The following CUEDC1 variants were observed in gnomAD, a reference collection of about 807,000 sequenced individuals.
The protein encoded by CUEDC1 is CUE domain containing 1, also known as CUE domain-containing protein 1.
In CUEDC1, 30 loss-of-function variants were observed where a neutral mutation model predicts 43.7. The observed-to-expected ratio is 0.69, with a 90% CI of 0.51 to 0.93. CUEDC1 has a LOEUF of 0.93. Among genes scored for constraint, CUEDC1 ranks in the 40% least tolerant of loss-of-function variants. The probability of loss-of-function intolerance (pLI) is 0.00; values close to 1 mark genes in which losing one functional copy is unlikely to be tolerated. For missense variants in CUEDC1, 486 were observed against 549.0 expected (o/e 0.89, Z 1.15); for synonymous variants, 223 against 223.6 (o/e 1.00, Z 0.02).
In CUEDC1 at chr17:57,954,954, G is replaced by A. The variant is rs965782957; in HGVS notation, c.-316+271C>T. ...CCCGCTCCCGGCCCCCCAGATGCCCGCACGCCCCCCGCGCCCGGGGCCCGG... is the reference window on the plus strand; with the variant it reads ...CCCGCTCCCGGCCCCCCAGATGCCCACACGCCCCCCGCGCCCGGGGCCCGG... On this transcript the variant is annotated intron_variant, in intron 1 of 10. Transcript: ENST00000577830. This position sits in a 1 kb window ranked among gnomAD's most constrained non-coding sequence, Gnocchi z 4.3. 4.0e-5 allele frequency among the ~76,000 whole-genome samples: 6 copies of A among 151,648 alleles called. No individual in the cohort carries two copies. The highest frequency in any genetic ancestry group is 8.8e-5 in the Non-Finnish European group (6 of 67,832).
chr17:57,946,956 A>G (rs975718912), intron 1 of CUEDC1, among the ~76,000 whole-genome samples: 2 of 152,062 alleles, frequency 1.3e-5, no homozygotes, highest in Non-Finnish European at 2.9e-5. Flanking sequence ...GACACAGCCA[A>G]TGGTGAAACT....
chr17:57,896,463 TCACTCTA>T (rs2074409016), intron 1 of CUEDC1, among the ~76,000 whole-genome samples: 1 of 148,912 alleles, frequency 6.7e-6, no homozygotes, highest in African/African-American at 2.5e-5. Flanking sequence ...ATGAGTATAG[TCACTCTA>T]CTATAGTGCA....
intron 1 of CUEDC1, among the ~76,000 whole-genome samples, chr17:57,942,079 G>A (rs2074921827): frequency 6.6e-6 from 1 of 152,136 alleles, no homozygotes; most frequent in Admixed American, 6.5e-5. Flanking sequence ...CCCAGGCTCG[G>A]CTCAGAATCC....
At chr17:57,867,764 G>A in intron 8 of CUEDC1, 2 of 474,874 alleles carry the variant, frequency 4.2e-6, no homozygotes, top group South Asian at 5.7e-5. Context: ...GGAAGGGAGG[G>A]CCAACATGCT....
chr17:57,895,950 C>G (rs1206744910), intron 1 of CUEDC1, among the ~76,000 whole-genome samples: 1 of 152,168 alleles, frequency 6.6e-6, no homozygotes, highest in East Asian at 1.9e-4. Context: ...GAAGGCCCCC[C>G]CAGTAGGCTG....
intron 1 of CUEDC1, among the ~76,000 whole-genome samples, chr17:57,902,388 A>C (rs935899745): frequency 2.0e-5 from 3 of 152,178 alleles, no homozygotes; most frequent in African/African-American, 7.2e-5. Context: ...GGTGGCAAAC[A>C]TATGACTGAC....
intron 1 of CUEDC1, among the ~76,000 whole-genome samples, chr17:57,936,269 C>T (rs1468461794): frequency 1.3e-5 from 2 of 152,232 alleles, no homozygotes; most frequent in South Asian, 2.1e-4. Flanking sequence ...CAGGGAAGCT[C>T]AGCCCTCCCT....
At chr17:57,897,332 G>C (rs551592389) in intron 1 of CUEDC1, among the ~76,000 whole-genome samples, 70 of 152,228 alleles carry the variant, frequency 4.6e-4, no homozygotes, top group Non-Finnish European at 6.8e-4. Context: ...GTCTGGCCCC[G>C]GAGTCCATGA....
rs1040398115 is a variant in CUEDC1, at chr17:57,955,012, C to T, written c.-316+213G>A. Among the ~76,000 whole-genome samples the T allele has an allele frequency of 2.6e-5, 4 of 151,184 alleles. No individual in the cohort carries two copies. The highest frequency in any genetic ancestry group is 2.0e-4 in the Admixed American group (3 of 15,222). On this transcript the variant is annotated intron_variant, in intron 1 of 10. Coordinates refer to ENST00000577830, the MANE Select transcript of CUEDC1 (RefSeq NM_001271875.2). The surrounding 1 kb of genome is among the most constrained non-coding windows in gnomAD (Gnocchi z 5.3). ...TGGGGGCTCGGGAAGGAAGGGCGGG[C>T]GGGGACCTGCCGCACGCGGAGCTCC...
At chr17:57,952,516 C>T (rs939285714) in intron 1 of CUEDC1, among the ~76,000 whole-genome samples, 4 of 152,106 alleles carry the variant, frequency 2.6e-5, no homozygotes, top group Admixed American at 2.0e-4. Context: ...CATGAGCCAC[C>T]GCATCCGGCC....
At chr17:57,874,394 G>C (rs1372003515) in intron 3 of CUEDC1, among the ~76,000 whole-genome samples, 5 of 152,230 alleles carry the variant, frequency 3.3e-5, no homozygotes, top group Admixed American at 3.3e-4. Flanking sequence ...AACGTGCGTG[G>C]AGATGTGAGT....
rs2074442860 is a variant in CUEDC1, at chr17:57,899,055, C to T, written c.-315-13176G>A. Reference sequence around the variant, plus strand: ...TCTCTGGCAGCTGAGGAATGTAGGCCCAGGACAGAGGAACAGAGGCTGGGA... The same window carrying T: ...TCTCTGGCAGCTGAGGAATGTAGGCTCAGGACAGAGGAACAGAGGCTGGGA... On this transcript the variant is annotated intron_variant, in intron 1 of 10. Transcript: ENST00000577830. Among the ~76,000 whole-genome samples, 8 of 151,876 alleles carry T rather than the reference C, an allele frequency of 5.3e-5. No individual in the cohort carries two copies. The South Asian group carries it at 1.7e-3, about 31-fold the overall frequency.
intron 8 of CUEDC1, 66 bp downstream of exon 8, chr17:57,868,084 A>G (rs1171700971): frequency 3.0e-6 from 4 of 1,351,630 alleles, no homozygotes; most frequent in Non-Finnish European, 4.2e-6. Flanking sequence ...AGGGAGTCCA[A>G]CAGGGGTCTT....
At chr17:57,953,332 C>T (rs977316750) in intron 1 of CUEDC1, among the ~76,000 whole-genome samples, 4 of 152,202 alleles carry the variant, frequency 2.6e-5, no homozygotes, top group African/African-American at 7.2e-5. Context: ...GGAAAAGGGC[C>T]ACCTCATCTG....
chr17:57,928,648 A>G (rs1307321867), intron 1 of CUEDC1, among the ~76,000 whole-genome samples: 1 of 151,766 alleles, frequency 6.6e-6, no homozygotes, highest in Non-Finnish European at 1.5e-5. Flanking sequence ...TGAGTCCTCT[A>G]CGTTTTCACG....
chr17:57,931,543 G>A (rs1018908632), intron 1 of CUEDC1, among the ~76,000 whole-genome samples: 1 of 152,162 alleles, frequency 6.6e-6, no homozygotes, highest in African/African-American at 2.4e-5. Context: ...GGGCACTGCT[G>A]TTCCTGCAGT....
chr17:57,939,014 C>A (rs1041507890), intron 1 of CUEDC1, among the ~76,000 whole-genome samples: 1 of 121,794 alleles, frequency 8.2e-6, no homozygotes, highest in Non-Finnish European at 1.6e-5. Context: ...GTCACCCAAG[C>A]AGGAGTGCAA....
intron 1 of CUEDC1, among the ~76,000 whole-genome samples, chr17:57,911,894 T>A (rs935610863): frequency 2.0e-5 from 3 of 152,230 alleles, no homozygotes; most frequent in African/African-American, 7.2e-5. Context: ...CCAGGTGAAC[T>A]GAATCTGTTT....
intron 1 of CUEDC1, among the ~76,000 whole-genome samples, chr17:57,899,771 C>CTA (rs2074452223): frequency 6.6e-6 from 1 of 152,198 alleles, no homozygotes; most frequent in South Asian, 2.1e-4. Context: ...ACTCAATGTA[C>CTA]TACTCCCCTC....
Sources: allele counts gnomAD v4.1 joint callset (sites outside exome capture counted in the v4.1 genomes callset), GRCh38; gene constraint gnomAD v4.1.1; non-coding constraint Gnocchi (gnomAD v3.1); transcripts MANE v1.5; gene names NCBI Gene and HGNC (gene_info 2026-07-23, HGNC 2026-07-21).